METRNL: variants seen among roughly 807,000 people sequenced by gnomAD.
METRNL encodes the protein meteorin-like protein.
A neutral mutation model predicts 17.4 loss-of-function variants in METRNL; 9 were observed. The observed-to-expected ratio is 0.52, with a 90% confidence interval of 0.31 to 0.90. METRNL has a LOEUF of 0.90. Ranked by LOEUF, METRNL falls within the 40% of genes least tolerant of loss-of-function variation. The pLI is 0.05. For missense variants in METRNL, 408 were observed against 430.7 expected, an observed-to-expected ratio of 0.95 and a Z score of 0.47; for synonymous variants, 215 against 199.3, an observed-to-expected ratio of 1.08 and a Z score of -0.66.
rs146370282 is a variant in METRNL, at chr17:83,093,170, C to T, written c.560C>T (p.Pro187Leu). 107 of 1,607,592 alleles carry T rather than the reference C, an allele frequency of 6.7e-5. No individual in the cohort carries two copies. Among genetic ancestry groups the T allele is most frequent in the South Asian group, 8.8e-5 (8 of 91,084 alleles). ...RASDLHELSAPCRPCSDTEVL... is the reference protein window; with the variant it reads ...RASDLHELSALCRPCSDTEVL... ...TGACTCTGCCTTTCTTCTCCAGCGC[C>T]GTGCCGTCCCTGCAGTGACACCGAG... The change falls in exon 3 of 4, where the codon CCG becomes CTG. Residue 187 changes from proline to leucine, a missense_variant. Pro to Leu is a moderately conservative substitution (Grantham distance 98). Transcript: ENST00000320095.
At chr17:83,087,265 G>A (rs73360469) in intron 2 of METRNL, among the ~76,000 whole-genome samples, 2,668 of 152,252 alleles carry the variant, frequency 0.018, 83 homozygotes, top group African/African-American at 0.06. Flanking sequence ...TGCTTAAACC[G>A]AGCCTGAGGT....
intron 1 of METRNL, 58 bp downstream of exon 1, chr17:83,080,043 C>A: frequency 1.0e-6 from 1 of 980,968 alleles, no homozygotes; most frequent in African/African-American, 1.8e-5. Context: ...CCCTCCCGTC[C>A]CGGGCCGGCC....
intron 2 of METRNL, among the ~76,000 whole-genome samples, chr17:83,090,725 C>T (rs1283054400): frequency 1.3e-5 from 2 of 151,692 alleles, no homozygotes; most frequent in African/African-American, 2.4e-5. Flanking sequence ...CCTCCACTCA[C>T]ATGAGGCGCC....
At chr17:83,085,776 T>C (rs2038046255) in intron 2 of METRNL, among the ~76,000 whole-genome samples, 1 of 152,178 alleles carries the variant, frequency 6.6e-6, no homozygotes, top group East Asian at 1.9e-4. Flanking sequence ...TTGTGGATCG[T>C]GTAGCACCTT....
At chr17:83,082,168 T>C (rs779065943) in intron 1 of METRNL, 2 of 985,332 alleles carry the variant, frequency 2.0e-6, no homozygotes, top group Non-Finnish European at 2.4e-6. Context: ...GACCATGAAC[T>C]TTCCCACTTG....
chr17:83,085,153 T>G lies in METRNL; in HGVS notation c.386T>G (p.Leu129Arg), dbSNP rs773525417. 2.4e-5 allele frequency: 38 copies of G among 1,613,306 alleles called. No homozygotes were observed. Among genetic ancestry groups the G allele is most frequent in the Non-Finnish European group, 3.1e-5 (37 of 1,179,832 alleles). The change falls in exon 2 of 4, where the codon CTG becomes CGG. Residue 129 changes from leucine to arginine, a missense_variant. Transcript: ENST00000320095. ...TTGGAAAAAACTGGAGAACTGAGAC[T>G]GCTGGTACCAGACGGGGACGGCAGG... ...IYLEKTGELR[L>R]LVPDGDGRPG...
Position 83,080,787 on chromosome 17 carries a change from G to T in METRNL, c.170+802G>T, listed in dbSNP as rs1371889119. 2.0e-5 allele frequency among the ~76,000 whole-genome samples: 3 copies of T among 150,358 alleles called. No homozygotes were observed. In the East Asian group the frequency reaches 5.9e-4, roughly 30 times the overall value. On this transcript the variant is annotated intron_variant, in intron 1 of 3. Coordinates refer to ENST00000320095, the MANE Select transcript of METRNL (RefSeq NM_001004431.3). ...GGGGTTCGCAGATGCGCGGGGACCC[G>T]AGTGACGCGCGCCTCCCGGAGAGCC... is the stretch of plus-strand genomic sequence containing the variant.
chr17:83,084,911 C>T (rs746303936), intron 1 of METRNL, 27 bp from the exon 2 acceptor site: 5 of 1,589,908 alleles, frequency 3.1e-6, no homozygotes, highest in Non-Finnish European at 4.3e-6. Flanking sequence ...AGCTCCGGGC[C>T]TGGCTGACAG....
chr17:83,081,190 G>A (rs1277518682), intron 1 of METRNL, among the ~76,000 whole-genome samples: 1 of 151,942 alleles, frequency 6.6e-6, no homozygotes, highest in Non-Finnish European at 1.5e-5. Flanking sequence ...GTCTGGGGGG[G>A]GTCGGCCGGG....
At chr17:83,082,837 T>G (rs900183032) in intron 1 of METRNL, among the ~76,000 whole-genome samples, 1 of 152,178 alleles carries the variant, frequency 6.6e-6, no homozygotes, top group African/African-American at 2.4e-5. Context: ...GTTTAACTTT[T>G]TTTGTCTACA....
chr17:83,094,161 C>T, intron 3 of METRNL, 95 bp from the exon 4 acceptor site: 1 of 1,078,454 alleles, frequency 9.3e-7, no homozygotes, highest in South Asian at 1.7e-5. Flanking sequence ...CTGCCCGTTC[C>T]AGTGCCCATC....
At chr17:83,087,060 A>C (rs1178507747) in intron 2 of METRNL, among the ~76,000 whole-genome samples, 2 of 151,988 alleles carry the variant, frequency 1.3e-5, no homozygotes, top group Non-Finnish European at 2.9e-5. Flanking sequence ...GAGTGACTTG[A>C]GCCCCAAGGG....
intron 1 of METRNL, among the ~76,000 whole-genome samples, chr17:83,083,264 G>C (rs890106070): frequency 2.0e-5 from 3 of 152,216 alleles, no homozygotes; most frequent in African/African-American, 7.2e-5. Flanking sequence ...AGTGCTGTCA[G>C]AGGTGACCAG....
intron 2 of METRNL, among the ~76,000 whole-genome samples, chr17:83,090,994 C>T (rs2038127680): frequency 6.6e-6 from 1 of 152,166 alleles, no homozygotes; most frequent in African/African-American, 2.4e-5. Flanking sequence ...TGGGCCACAC[C>T]CCGGGGCCCC....
chr17:83,089,295 A>C (rs1032264058), intron 2 of METRNL, among the ~76,000 whole-genome samples: 1 of 152,068 alleles, frequency 6.6e-6, no homozygotes, highest in Non-Finnish European at 1.5e-5. Flanking sequence ...CTCTAAAAGC[A>C]GCGTGTCCCC....
At chr17:83,093,365 G>A in intron 3 of METRNL, 139 bp downstream of exon 3, 4 of 689,292 alleles carry the variant, frequency 5.8e-6, no homozygotes, top group Non-Finnish European at 9.7e-6. Flanking sequence ...GGCACACGCT[G>A]TGGAAGCCCT....
Position 83,094,368 on chromosome 17 carries a change from GC to G in METRNL, c.732del (p.Glu245ArgfsTer59). 1 of 1,610,956 alleles carries G rather than the reference GC, an allele frequency of 6.2e-7. No individual in the cohort carries two copies. The highest frequency in any genetic ancestry group is 8.5e-7 in the Non-Finnish European group (1 of 1,178,604). On this transcript the variant is annotated frameshift_variant, in exon 4 of 4. Coordinates refer to ENST00000320095, the MANE Select transcript of METRNL (RefSeq NM_001004431.3). LOFTEE classifies it high-confidence loss of function. ...AGAAAAGCAGGGTCTTCGAGCCGGT[GC>G]CCGAGGGTGACGGCCACTGGCAGGG... The part of the protein sequence containing the change: ...RQKSRVFEPV[P>X]EGDGHWQGRV...
chr17:83,092,164 G>T (rs977863606), intron 2 of METRNL, among the ~76,000 whole-genome samples: 4 of 152,234 alleles, frequency 2.6e-5, no homozygotes, highest in African/African-American at 9.6e-5. Flanking sequence ...GGTTCTGTGA[G>T]CAGGGCTTGG....
rs1182237626 is a variant in METRNL, at chr17:83,085,162, CAGACGG to C, written c.396_401del (p.Asp135_Gly136del). 1 of 1,612,956 alleles carries C rather than the reference CAGACGG, an allele frequency of 6.2e-7. No individual in the cohort carries two copies. The highest frequency in any genetic ancestry group is 8.5e-7 in the Non-Finnish European group (1 of 1,179,602). ...ACTGGAGAACTGAGACTGCTGGTAC[CAGACGG>C]GGACGGCAGGCCCGGCCGGGTGCAG... On this transcript the variant is annotated inframe_deletion, in exon 2 of 4. Coordinates refer to ENST00000320095, the MANE Select transcript of METRNL (RefSeq NM_001004431.3).
Sources: gnomAD v4.1 joint callset for allele counts (sites outside exome capture counted in the v4.1 genomes callset) on GRCh38, gnomAD v4.1.1 for gene constraint, MANE v1.5 for transcripts, NCBI Gene and HGNC (gene_info 2026-07-23, HGNC 2026-07-21) for gene names.